SULT1A1: variants seen among roughly 807,000 people sequenced by gnomAD.
SULT1A1 encodes the protein sulfotransferase 1A1.
Under a neutral mutation model 36.8 loss-of-function variants are expected in SULT1A1, and 35 were observed. The observed-to-expected ratio is 0.95, with a 90% CI of 0.73 to 1.26. SULT1A1 has a LOEUF of 1.26. Among genes scored for constraint, SULT1A1 ranks in the 50% most tolerant of loss-of-function variants. The pLI, the probability that SULT1A1 is intolerant of heterozygous loss-of-function variation, is 0.00. For synonymous variants in SULT1A1, 119 were observed against 146.0 expected (o/e 0.82, Z 1.33); for missense variants, 309 against 383.0 (o/e 0.81, Z 1.61).
chr16:28,623,327 C>T, exon 1 of SULT1A1: 2 of 1,518,536 alleles, frequency 1.3e-6, no homozygotes, highest in Admixed American at 2.1e-5. Context: ...AGCGGCCCTG[C>T]AGCCGTTGCT....
At chr16:28,623,176 C>T (rs1246149980) in exon 1 of SULT1A1, 1 of 1,514,802 alleles carries the variant, frequency 6.6e-7, no homozygotes, top group Middle Eastern at 1.8e-4. Flanking sequence ...ACCACCTGGT[C>T]GCACAGCAAC....
In SULT1A1 at chr16:28,617,199, G is replaced by A. The variant is rs377692833; in HGVS notation, c.138+2864C>T. On this transcript the variant is annotated intron_variant, in intron 2 of 5. Transcript: ENST00000350842. Reference sequence around the variant, plus strand: ...ACCAGCTCATTTTTGTATTTGTGGAGATGAGGTTTCATCGTCATATTGCCC... The same window carrying A: ...ACCAGCTCATTTTTGTATTTGTGGAAATGAGGTTTCATCGTCATATTGCCC... Among the ~76,000 whole-genome samples the A allele has an allele frequency of 1.8e-3, 279 of 151,974 alleles. 6 individuals are homozygous for A. In the South Asian group the frequency reaches 0.056, roughly 31 times the overall value.
intron 1 of SULT1A1, 44 bp downstream of exon 1, chr16:28,609,887 G>A: frequency 7.9e-7 from 1 of 1,257,932 alleles, no homozygotes; most frequent in South Asian, 1.3e-5. Flanking sequence ...GCCACAAGCT[G>A]AGCAGGGTGA....
intron 1 of SULT1A1, chr16:28,623,099 C>T: frequency 2.1e-6 from 3 of 1,442,720 alleles, no homozygotes; most frequent in Non-Finnish European, 2.8e-6. Context: ...AATACTGGTC[C>T]CACCCCCCAG....
chr16:28,606,258 A>G (rs367971733), intron 6 of SULT1A1, 22 bp from the exon 7 acceptor site: 1 of 1,611,094 alleles, frequency 6.2e-7, no homozygotes, highest in African/African-American at 1.3e-5. Context: ...AGGGCCCCTC[A>G]GTGGAGGCTC....
Position 28,606,052 on chromosome 16 carries a change from C to A in SULT1A1, c.775+4G>T. On this transcript the variant is annotated splice_donor_region_variant and intron_variant, in intron 7 of 7. Coordinates refer to ENST00000314752, the MANE Select transcript of SULT1A1 (RefSeq NM_001055.4). ...CCCAAACCCCCGTGCTGGCCAGCAC[C>A]CACCTTTCCTCATGAAGGGGGAGAT... 1.2e-6 allele frequency: 2 copies of A among 1,610,952 alleles called. No homozygotes were observed. Among genetic ancestry groups the A allele is most frequent in the South Asian group, 2.2e-5 (2 of 90,920 alleles).
upstream of SULT1A1, chr16:28,610,438 C>T (rs2047408835): frequency 3.2e-4 from 118 of 366,110 alleles, 3 homozygotes; most frequent in South Asian, 2.6e-3. Flanking sequence ...GGTCACCTAC[C>T]TGCTGGCTCC....
intron 1 of SULT1A1, 115 bp from the exon 2 acceptor site, chr16:28,608,974 C>G (rs1439289638): frequency 1.9e-6 from 3 of 1,593,566 alleles, no homozygotes; most frequent in Non-Finnish European, 2.6e-6. Flanking sequence ...GTGACTTGCC[C>G]GCACTCACAA....
chr16:28,618,735 A>G (rs1319738056), intron 2 of SULT1A1, among the ~76,000 whole-genome samples: 2 of 152,058 alleles, frequency 1.3e-5, no homozygotes, highest in Non-Finnish European at 2.9e-5. Flanking sequence ...ACCCTTGGAA[A>G]CCTTCTCCTT....
At chr16:28,617,830 G>A (rs149190619) in intron 2 of SULT1A1, among the ~76,000 whole-genome samples, 80 of 151,984 alleles carry the variant, frequency 5.3e-4, no homozygotes, top group Middle Eastern at 3.4e-3. Context: ...GTGCCCGGCC[G>A]ACAATTTCTT....
intron 2 of SULT1A1, among the ~76,000 whole-genome samples, chr16:28,616,797 C>T (rs1018728637): frequency 3.9e-5 from 6 of 152,256 alleles, no homozygotes; most frequent in South Asian, 4.2e-4. Flanking sequence ...ATTACCTAAC[C>T]GTGAAGTGCA....
At chr16:28,608,187 A>G (rs1485408173) in intron 4 of SULT1A1, 104 bp downstream of exon 4, 25 of 1,478,796 alleles carry the variant, frequency 1.7e-5, no homozygotes, top group African/African-American at 2.8e-5. Flanking sequence ...AGGTTCTTCT[A>G]TGTTGCTCAG....
intron 2 of SULT1A1, among the ~76,000 whole-genome samples, chr16:28,618,391 G>C (rs1219342100): frequency 7.9e-6 from 1 of 126,396 alleles, no homozygotes; most frequent in Non-Finnish European, 1.6e-5. Context: ...TGTCGCCCAG[G>C]CTGGAGTGCA....
At chr16:28,621,825 G>C (rs1023735926) in intron 1 of SULT1A1, among the ~76,000 whole-genome samples, 1 of 152,114 alleles carries the variant, frequency 6.6e-6, no homozygotes, top group Non-Finnish European at 1.5e-5. Context: ...AATGATGATA[G>C]AGGCCACAGG....
At chr16:28,617,330 C>A (rs1288826858) in intron 2 of SULT1A1, among the ~76,000 whole-genome samples, 1 of 152,100 alleles carries the variant, frequency 6.6e-6, no homozygotes, top group Non-Finnish European at 1.5e-5. Flanking sequence ...GCAAGACTTC[C>A]TTGATCCCCA....
intron 5 of SULT1A1, 37 bp downstream of exon 5, chr16:28,606,914 C>G: frequency 1.2e-6 from 2 of 1,612,370 alleles, no homozygotes; most frequent in Non-Finnish European, 1.7e-6. Context: ...GCCACCACCC[C>G]TTAGCTCCAC....
intron 1 of SULT1A1, chr16:28,609,400 C>G (rs563068906): frequency 7.8e-7 from 1 of 1,287,526 alleles, no homozygotes; most frequent in East Asian, 5.5e-5. Context: ...ACAAACACGG[C>G]CCATTGAGGA....
chr16:28,622,601 C>T (rs2047678020), intron 1 of SULT1A1, among the ~76,000 whole-genome samples: 1 of 152,160 alleles, frequency 6.6e-6, no homozygotes. Context: ...ACCTGCTCTG[C>T]CCCCCAGGGT....
At chr16:28,618,851 TCA>T (rs975060540) in intron 2 of SULT1A1, among the ~76,000 whole-genome samples, 21 of 152,292 alleles carry the variant, frequency 1.4e-4, no homozygotes, top group African/African-American at 5.1e-4. Context: ...ATTAAGCCAC[TCA>T]CAGTCTACCA....
Sources: gnomAD v4.1 joint callset for allele counts (sites outside exome capture counted in the v4.1 genomes callset) on GRCh38, gnomAD v4.1.1 for gene constraint, MANE v1.5 for transcripts, NCBI Gene and HGNC (gene_info 2026-07-23, HGNC 2026-07-21) for gene names.